Variants in CIMIP2C observed in about 807,000 individuals in gnomAD.
The protein encoded by CIMIP2C is ciliary microtubule inner protein 2C, also known as UPF0573 protein C2orf70.
the CIMIP2C span, among the ~76,000 whole-genome samples, chr2:26,572,546 T>A: frequency 5.3e-5 from 8 of 152,176 alleles, no homozygotes; most frequent in Non-Finnish European, 1.2e-4. Context: ...ATGCTGTGGG[T>A]ATCTTCCTTT....
the CIMIP2C span, among the ~76,000 whole-genome samples, chr2:26,564,615 C>T: frequency 1.3e-5 from 2 of 152,142 alleles, no homozygotes; most frequent in African/African-American, 4.8e-5. Context: ...TTTGTGTTTC[C>T]AAATGCTACC....
At chr2:26,566,378 A>C in the CIMIP2C span, among the ~76,000 whole-genome samples, 4 of 152,232 alleles carry the variant, frequency 2.6e-5, no homozygotes, top group Non-Finnish European at 1.5e-5. Context: ...GTGGTCCCAC[A>C]AAGGTGGCTG....
At chr2:26,575,920 C>CA in the CIMIP2C span, 1 of 1,613,444 alleles carries the variant, frequency 6.2e-7, no homozygotes, top group South Asian at 1.1e-5. Flanking sequence ...GCCACGTCCC[C>CA]ACTGTGGCCT....
At chr2:26,572,623 A>T in the CIMIP2C span, among the ~76,000 whole-genome samples, 1 of 152,136 alleles carries the variant, frequency 6.6e-6, no homozygotes, top group Non-Finnish European at 1.5e-5. Flanking sequence ...CATCTCTTCC[A>T]TTCCCTACAT....
chr2:26,573,270 G>A, the CIMIP2C span, among the ~76,000 whole-genome samples: 8 of 152,316 alleles, frequency 5.3e-5, no homozygotes, highest in African/African-American at 9.6e-5. Context: ...CTGCAATCCC[G>A]CCTTCCTCTT....
the CIMIP2C span, among the ~76,000 whole-genome samples, chr2:26,565,814 A>G: frequency 5.1e-4 from 78 of 152,346 alleles, no homozygotes; most frequent in African/African-American, 1.9e-3. Context: ...ATCTGGTTCT[A>G]GGAACCCCGG....
chr2:26,578,897 C>T, the CIMIP2C span: 8 of 473,122 alleles, frequency 1.7e-5, no homozygotes, highest in Non-Finnish European at 2.6e-5. Context: ...CCGGAATCCC[C>T]TCCATCAGCA....
the CIMIP2C span, chr2:26,575,923 T>A: frequency 6.2e-7 from 1 of 1,612,784 alleles, no homozygotes; most frequent in Non-Finnish European, 8.5e-7. Flanking sequence ...ACGTCCCCAC[T>A]GTGGCCTTCT....
At chr2:26,567,781 T>C in the CIMIP2C span, among the ~76,000 whole-genome samples, 1 of 152,222 alleles carries the variant, frequency 6.6e-6, no homozygotes, top group Non-Finnish European at 1.5e-5. Context: ...GCTTTAACTA[T>C]GACCTGTGTT....
chr2:26,568,722 T>C, the CIMIP2C span, among the ~76,000 whole-genome samples: 1 of 152,014 alleles, frequency 6.6e-6, no homozygotes, highest in Admixed American at 6.5e-5. Flanking sequence ...GCTCAGATTA[T>C]TGTGATATGA....
the CIMIP2C span, among the ~76,000 whole-genome samples, chr2:26,565,015 T>TTTCTTC: frequency 2.9e-4 from 44 of 150,092 alleles, no homozygotes; most frequent in African/African-American, 9.7e-4. Flanking sequence ...TTCACAACAT[T>TTTCTTC]TTCTTCTTCT....
the CIMIP2C span, among the ~76,000 whole-genome samples, chr2:26,571,036 G>A: frequency 9.9e-5 from 15 of 152,276 alleles, no homozygotes; most frequent in East Asian, 2.7e-3. Context: ...AGGAAGAGCA[G>A]TTTCAGTGGC....
chr2:26,571,300 C>A, the CIMIP2C span, among the ~76,000 whole-genome samples: 1 of 152,276 alleles, frequency 6.6e-6, no homozygotes, highest in South Asian at 2.1e-4. Context: ...TGGGACTTTC[C>A]TCAAAGCCTC....
the CIMIP2C span, chr2:26,578,647 G>A: frequency 2.4e-6 from 1 of 421,156 alleles, no homozygotes; most frequent in South Asian, 1.7e-5. Flanking sequence ...CTCTGAGCCA[G>A]TCCATCCCTA....
the CIMIP2C span, among the ~76,000 whole-genome samples, chr2:26,576,671 G>A: frequency 3.9e-3 from 587 of 152,270 alleles, 4 homozygotes; most frequent in African/African-American, 0.012. Context: ...TCCCTGCCCT[G>A]CAGCCCCCTG....
the CIMIP2C span, among the ~76,000 whole-genome samples, chr2:26,569,647 G>T: frequency 2.0e-5 from 3 of 152,286 alleles, no homozygotes; most frequent in South Asian, 4.1e-4. Flanking sequence ...GGAAGGGACT[G>T]CTCCTTTTCA....
the CIMIP2C span, among the ~76,000 whole-genome samples, chr2:26,573,870 C>A: frequency 2.6e-5 from 4 of 152,216 alleles, no homozygotes; most frequent in Non-Finnish European, 5.9e-5. Flanking sequence ...TGCTGTGAGA[C>A]CCCAGGAAGG....
At chr2:26,578,270 G>C in the CIMIP2C span, 5 of 162,516 alleles carry the variant, frequency 3.1e-5, no homozygotes, top group African/African-American at 1.2e-4. Flanking sequence ...GAGGTGTCCT[G>C]GAGTGGGGTA....
the CIMIP2C span, chr2:26,578,832 A>C: frequency 5.3e-5 from 25 of 471,308 alleles, no homozygotes; most frequent in Admixed American, 1.4e-4. Flanking sequence ...CAAAGGGCCA[A>C]CCAGGTGGTT....
Sources: gnomAD v4.1 joint callset for allele counts (sites outside exome capture counted in the v4.1 genomes callset) on GRCh38, gnomAD v4.1.1 for gene constraint, MANE v1.5 for transcripts, NCBI Gene and HGNC (gene_info 2026-07-23, HGNC 2026-07-21) for gene names.